The following DMXL2 variants were observed in gnomAD, a reference collection of about 807,000 sequenced individuals.
DMXL2 encodes the protein Dmx like 2.
DMXL2 carries 103 observed loss-of-function variants against 331.1 expected under a neutral mutation model. That is an observed-to-expected ratio of 0.31 (90% CI 0.27 to 0.37). The LOEUF is 0.37. Among genes scored for constraint, DMXL2 ranks in the 10% least tolerant of loss-of-function variants. The probability of loss-of-function intolerance (pLI) is 1.00; values close to 1 mark genes in which losing one functional copy is unlikely to be tolerated. For synonymous variants in DMXL2, 1,281 were observed against 1,252.1 expected, an observed-to-expected ratio of 1.02 and a Z score of -0.49; for missense variants, 3,171 against 3,642.9, an observed-to-expected ratio of 0.87 and a Z score of 3.33.
At chr15:51,502,704 A>T (rs202073179) in intron 17 of DMXL2, 102 bp downstream of exon 17, 1 of 755,218 alleles carries the variant, frequency 1.3e-6, no homozygotes, top group East Asian at 2.6e-5. Flanking sequence ...TTTAATGTCA[A>T]CATAGAACAT....
rs1303351781 is a variant in DMXL2 at position 51,498,591 on chromosome 15, T to A, written c.4633A>T (p.Ser1545Cys). Residue 1545 changes from serine (S) to cysteine (C), a missense_variant, in exon 18 of 44, where the codon AGT becomes TGT. This residue lies in a region of DMXL2 where 252 missense variants were observed against 387.4 expected (regional missense o/e 0.65). Transcript: ENST00000560891. ...VALADTVATT[S>C]TELDESRDKS... ...TCTCTGCTTTCATCAAGCTCAGTAC[T>A]AGTAGTAGCCACTGTATCAGCCAAA... 4.3e-6 allele frequency: 7 copies of A among 1,614,098 alleles called. No individual in the cohort carries two copies. Among genetic ancestry groups the A allele is most frequent in the Non-Finnish European group, 5.9e-6 (7 of 1,179,972 alleles).
intron 29 of DMXL2, among the ~76,000 whole-genome samples, chr15:51,470,979 A>G: frequency 6.6e-6 from 1 of 152,198 alleles, no homozygotes; most frequent in Admixed American, 6.5e-5. Context: ...TGATTATGTA[A>G]TAAGCTGACT....
chr15:51,516,181 T>C (rs2047026847), intron 14 of DMXL2, among the ~76,000 whole-genome samples: 1 of 152,186 alleles, frequency 6.6e-6, no homozygotes, highest in Admixed American at 6.5e-5. Flanking sequence ...ACCAAACTAA[T>C]CCTTTTCACA....
chr15:51,620,294 A>G (rs2054545832), intron 1 of DMXL2, among the ~76,000 whole-genome samples: 2 of 152,140 alleles, frequency 1.3e-5, no homozygotes, highest in South Asian at 4.1e-4. Context: ...TGGTGTGCAA[A>G]ATGGGTTTGT....
chr15:51,448,138 T>TAACA lies in DMXL2; in HGVS notation c.*842_*845dup, dbSNP rs1566965013. 1 of 152,650 alleles carries TAACA rather than the reference T, an allele frequency of 6.6e-6. No individual in the cohort carries two copies. Among genetic ancestry groups the TAACA allele is most frequent in the Non-Finnish European group, 1.5e-5 (1 of 68,042 alleles). The allele number at this position is 152,650 out of a possible 1,614,324, so 9.5% of individuals were successfully genotyped here. A position where few individuals can be genotyped will look rare whatever the true frequency, so the allele number is the denominator to read the frequency against. ...AACTATTAACTGGCCACAAGAAGCC[T>TAACA]AACATTCATTTTAATTATGATATGA... is the stretch of plus-strand genomic sequence containing the variant. On this transcript the variant is annotated 3_prime_UTR_variant, in exon 44 of 44. Transcript: ENST00000560891.
intron 13 of DMXL2, 112 bp from the exon 14 acceptor site, chr15:51,517,279 T>C (rs2047089471): frequency 7.0e-6 from 5 of 711,680 alleles, no homozygotes; most frequent in Non-Finnish European, 1.2e-5. Context: ...TGATTGGCAA[T>C]GGAATGTAAT....
intron 1 of DMXL2, among the ~76,000 whole-genome samples, chr15:51,611,101 GAAGA>G (rs904873529): frequency 6.6e-6 from 1 of 151,800 alleles, no homozygotes; most frequent in Non-Finnish European, 1.5e-5. Flanking sequence ...ATATAATATA[GAAGA>G]AAGGAAATAA....
intron 1 of DMXL2, among the ~76,000 whole-genome samples, chr15:51,581,258 C>T (rs1484641544): frequency 6.6e-6 from 1 of 152,150 alleles, no homozygotes; most frequent in East Asian, 1.9e-4. Context: ...GCTGTATGCT[C>T]TTTATGAGAA....
At chr15:51,536,909 T>G in intron 11 of DMXL2, 47 bp from the exon 12 acceptor site, 1 of 1,457,946 alleles carries the variant, frequency 6.9e-7, no homozygotes, top group East Asian at 2.3e-5. Context: ...TTACCTCCTC[T>G]CAAAAAAAAG....
intron 33 of DMXL2, among the ~76,000 whole-genome samples, chr15:51,462,359 G>T (rs183386903): frequency 2.0e-5 from 3 of 152,002 alleles, no homozygotes; most frequent in African/African-American, 7.2e-5. Flanking sequence ...TTTTGAGACA[G>T]AGTTTCGCTC....
chr15:51,550,686 T>G (rs1393163456), intron 6 of DMXL2, among the ~76,000 whole-genome samples: 1 of 152,136 alleles, frequency 6.6e-6, no homozygotes, highest in Non-Finnish European at 1.5e-5. Context: ...TTTTAAAATG[T>G]TCCAATACAA....
intron 20 of DMXL2, among the ~76,000 whole-genome samples, chr15:51,491,270 G>A (rs1436835094): frequency 2.6e-5 from 4 of 152,096 alleles, no homozygotes; most frequent in Non-Finnish European, 4.4e-5. Context: ...GTGAAACCCT[G>A]TCTCTACTAA....
chr15:51,563,584 A>T, intron 5 of DMXL2, 137 bp from the exon 6 acceptor site: 2 of 522,010 alleles, frequency 3.8e-6, no homozygotes, highest in South Asian at 6.9e-5. Flanking sequence ...TAAAAATATA[A>T]ATAAAATATT....
chr15:51,576,183 T>TAAAAAAGAAAAA lies in DMXL2; in HGVS notation c.88-3_88-2insTTTTTCTTTTTT. 1 of 626,284 alleles carries TAAAAAAGAAAAA rather than the reference T, an allele frequency of 1.6e-6. No individual in the cohort carries two copies. The highest frequency in any genetic ancestry group is 2.0e-6 in the Non-Finnish European group (1 of 493,546). The allele number at this position is 626,284 out of a possible 1,614,324, so 38.8% of individuals were successfully genotyped here. A position where few individuals can be genotyped will look rare whatever the true frequency, so the allele number is the denominator to read the frequency against. ...AATATCACAGCCTGATCCATATGCC[T>TAAAAAAGAAAAA]AAAAAAAAAAAAAAAAAAAAGTTTT... On this transcript the variant is annotated splice_region_variant and splice_polypyrimidine_tract_variant and intron_variant, in intron 1 of 43. Coordinates refer to ENST00000560891, the MANE Select transcript of DMXL2 (RefSeq NM_001378457.1).
At position 51,537,518 on chromosome 15, in the gene DMXL2, T is replaced by C. The variant is rs2048351428; in HGVS notation, c.1587A>G (p.Glu529=). The C allele has an allele frequency of 1.2e-6, 2 of 1,613,442 alleles. No individual in the cohort carries two copies. Among genetic ancestry groups the C allele is most frequent in the East Asian group, 2.2e-5 (1 of 44,846 alleles). The change falls in exon 11 of 44, where the codon GAA becomes GAG. Residue 529 remains glutamate (E), a synonymous_variant. Coordinates refer to ENST00000560891, the MANE Select transcript of DMXL2 (RefSeq NM_001378457.1). ...CTTGTCTAAATATTCCAGGATTATA[T>C]TCATCCAAATACTTCACATGCCACA... ...FLVWHVKYLD[E]YNPGIFRQVQ...
intron 32 of DMXL2, 49 bp from the exon 33 acceptor site, chr15:51,463,545 T>A (rs770015879): frequency 4.8e-6 from 5 of 1,052,076 alleles, no homozygotes; most frequent in Middle Eastern, 2.1e-4. Context: ...ATAGAAAATA[T>A]GTTTATATTT....
Position 51,589,569 on chromosome 15 carries a change from T to C in DMXL2, c.88-13388A>G, listed in dbSNP as rs145936650. Among the ~76,000 whole-genome samples the C allele has an allele frequency of 9.6e-3, 1,457 of 152,268 alleles. 20 individuals carry two copies. The highest frequency in any genetic ancestry group is 0.034 in the African/African-American group (1,401 of 41,550). ...ATTAGGGTAAGGAGTACAATGAGAATTCTGGGAGGAAAGAGAGCAAAACAG... is the reference window on the plus strand; with the variant it reads ...ATTAGGGTAAGGAGTACAATGAGAACTCTGGGAGGAAAGAGAGCAAAACAG... On this transcript the variant is annotated intron_variant, in intron 1 of 43. Coordinates refer to ENST00000560891, the MANE Select transcript of DMXL2 (RefSeq NM_001378457.1).
At chr15:51,618,837 T>C (rs1447649178) in intron 1 of DMXL2, among the ~76,000 whole-genome samples, 1 of 152,202 alleles carries the variant, frequency 6.6e-6, no homozygotes, top group South Asian at 2.1e-4. Flanking sequence ...TGCCTTATGT[T>C]ATAATTATAT....
At chr15:51,472,904 G>C (rs1312985788) in intron 28 of DMXL2, among the ~76,000 whole-genome samples, 1 of 152,118 alleles carries the variant, frequency 6.6e-6, no homozygotes, top group African/African-American at 2.4e-5. Flanking sequence ...ATCAGATTCT[G>C]TCACCTCCTC....
Sources: allele counts gnomAD v4.1 joint callset (sites outside exome capture counted in the v4.1 genomes callset), GRCh38; gene constraint gnomAD v4.1.1; regional missense constraint gnomAD v4.1.1; transcripts MANE v1.5; gene names NCBI Gene and HGNC (gene_info 2026-07-23, HGNC 2026-07-21).